CARD8: variants seen among roughly 807,000 people sequenced by gnomAD.
CARD8 encodes caspase recruitment domain family member 8.
Under a neutral mutation model 53.2 loss-of-function variants are expected in CARD8, and 38 were observed. The ratio of observed to expected loss-of-function variants is 0.71; its 90% CI spans 0.55 to 0.94. CARD8 has a LOEUF of 0.94. CARD8 is among the 40% of genes least tolerant of loss of function. CARD8 has a pLI of 0.00. For synonymous variants in CARD8, 245 were observed against 244.9 expected, an observed-to-expected ratio of 1.00 and a Z score of 0.00; for missense variants, 561 against 655.5, an observed-to-expected ratio of 0.86 and a Z score of 1.57.
chr19:48,230,564 C>T lies in CARD8; in HGVS notation c.909G>A (p.Leu303=), dbSNP rs770067088. 2.0e-5 allele frequency: 32 copies of T among 1,614,010 alleles called. 1 individual carries two copies. The South Asian group carries it at 3.4e-4, about 17-fold the overall frequency. ...AGAGGCGAGTCCCACTGGCGATCCGCAGCAGGATGCCCATCAGAGAGAAGC... is the reference window on the plus strand; with the variant it reads ...AGAGGCGAGTCCCACTGGCGATCCGTAGCAGGATGCCCATCAGAGAGAAGC... ...SPSFSLMGIL[L]RIASGTRLSI... is the part of the protein sequence containing the mutation. The change falls in exon 10 of 14, where the codon CTG becomes CTA. Residue 303 remains leucine (L), a synonymous_variant. Transcript: ENST00000651546.
At chr19:48,245,416 T>C (rs1351526424) in intron 3 of CARD8, among the ~76,000 whole-genome samples, 1 of 152,264 alleles carries the variant, frequency 6.6e-6, no homozygotes, top group South Asian at 2.1e-4. Context: ...TTTCACCATG[T>C]TGGATAGGCT....
chr19:48,217,388 A>T (rs1301705702), intron 12 of CARD8, among the ~76,000 whole-genome samples: 2 of 152,200 alleles, frequency 1.3e-5, no homozygotes, highest in African/African-American at 2.4e-5. Flanking sequence ...GTACTCACAC[A>T]TTTGTTCAAC....
intron 3 of CARD8, among the ~76,000 whole-genome samples, chr19:48,247,431 G>A (rs917352860): frequency 6.6e-6 from 1 of 152,122 alleles, no homozygotes; most frequent in African/African-American, 2.4e-5. Flanking sequence ...GAAATAATAT[G>A]CAATTTTAAA....
intron 13 of CARD8, among the ~76,000 whole-genome samples, chr19:48,214,572 AG>A (rs1451037825): frequency 6.6e-6 from 1 of 152,068 alleles, no homozygotes; most frequent in African/African-American, 2.4e-5. Context: ...TCCCCTTCCA[AG>A]CCCCTGCGGG....
downstream of CARD8, chr19:48,206,469 G>A (rs759882652): frequency 3.3e-5 from 15 of 460,892 alleles, no homozygotes; most frequent in African/African-American, 2.8e-4. Context: ...GCACAAGCAG[G>A]TGCAGCCAGT....
At chr19:48,228,774 C>T (rs1051052627) in intron 10 of CARD8, among the ~76,000 whole-genome samples, 21 of 151,982 alleles carry the variant, frequency 1.4e-4, no homozygotes, top group Non-Finnish European at 2.2e-4. Flanking sequence ...GAGGATGCCT[C>T]GGGTGTGGCT....
intron 10 of CARD8, among the ~76,000 whole-genome samples, chr19:48,226,556 G>T (rs1369270555): frequency 6.6e-6 from 1 of 152,132 alleles, no homozygotes; most frequent in Non-Finnish European, 1.5e-5. Flanking sequence ...AGAAGTACAT[G>T]TGCAGATTTG....
chr19:48,221,286 T>G (rs904760223), intron 11 of CARD8, among the ~76,000 whole-genome samples: 1 of 152,212 alleles, frequency 6.6e-6, no homozygotes, highest in Admixed American at 6.5e-5. Context: ...GCATATCATG[T>G]CCCAGTAAAT....
chr19:48,250,693 A>G (rs188147272), intron 1 of CARD8, among the ~76,000 whole-genome samples: 3 of 152,338 alleles, frequency 2.0e-5, no homozygotes, highest in African/African-American at 7.2e-5. Flanking sequence ...AATCGATGTC[A>G]AAAGCACATT....
At chr19:48,235,939 G>A (rs773210569) in intron 5 of CARD8, among the ~76,000 whole-genome samples, 3 of 152,024 alleles carry the variant, frequency 2.0e-5, no homozygotes, top group Non-Finnish European at 4.4e-5. Context: ...GTAAAATCGG[G>A]TTTCAGCTGG....
intron 12 of CARD8, among the ~76,000 whole-genome samples, chr19:48,218,615 A>G (rs771998236): frequency 1.3e-5 from 2 of 151,848 alleles, no homozygotes; most frequent in African/African-American, 2.4e-5. Context: ...CGGCCTCCCA[A>G]AGTTCTGGGT....
chr19:48,231,031 T>C (rs2042777125), intron 8 of CARD8, 25 bp from the exon 9 acceptor site: 2 of 1,579,374 alleles, frequency 1.3e-6, no homozygotes, highest in Non-Finnish European at 1.7e-6. Flanking sequence ...AGTGATGTCA[T>C]GACGGGAGAA....
chr19:48,215,500 G>T, intron 12 of CARD8, 116 bp from the exon 13 acceptor site: 1 of 723,454 alleles, frequency 1.4e-6, no homozygotes. Flanking sequence ...ATGTCATAAG[G>T]CTCTTGTTTT....
rs1333922341 is a variant in CARD8 at position 48,210,395 on chromosome 19, TGAAG to T, written c.*1311_*1314del. 1 of 152,058 alleles carries T rather than the reference TGAAG, an allele frequency of 6.6e-6. No homozygotes were observed. Among genetic ancestry groups the T allele is most frequent in the Non-Finnish European group, 1.5e-5 (1 of 67,970 alleles). The allele number at this position is 152,058 out of a possible 1,614,324, so 9.4% of individuals were successfully genotyped here. A position where few individuals can be genotyped will look rare whatever the true frequency, so the allele number is the denominator to read the frequency against. On this transcript the variant is annotated 3_prime_UTR_variant, in exon 14 of 14. Transcript: ENST00000651546. The stretch of plus-strand genomic sequence containing the variant: ...TTGCAGAACGAAATTTGGAAAATAA[TGAAG>T]GAAGAGCAACAGAAATGGTAAATAT...
chr19:48,244,456 A>G (rs2045767397), intron 3 of CARD8, among the ~76,000 whole-genome samples: 1 of 152,230 alleles, frequency 6.6e-6, no homozygotes, highest in Non-Finnish European at 1.5e-5. Flanking sequence ...GAGAAAACAT[A>G]AAGAAGTCAG....
chr19:48,231,581 G>C (rs529684659), intron 8 of CARD8, 79 bp downstream of exon 8: 266 of 1,419,642 alleles, frequency 1.9e-4, no homozygotes, highest in Non-Finnish European at 2.4e-4. Context: ...GAGATTACAG[G>C]CCTGAGCCAC....
At chr19:48,235,814 G>T (rs910108014) in intron 5 of CARD8, among the ~76,000 whole-genome samples, 1 of 150,618 alleles carries the variant, frequency 6.6e-6, no homozygotes, top group African/African-American at 2.4e-5. Flanking sequence ...AAACCAAACT[G>T]TAGAAAAAAA....
rs1325462596 is a variant in CARD8, at chr19:48,232,481, C to G, written c.363G>C (p.Glu121Asp). 6.5e-7 allele frequency: 1 copy of G among 1,535,836 alleles called. No individual in the cohort carries two copies. Among genetic ancestry groups the G allele is most frequent in the Non-Finnish European group, 8.7e-7 (1 of 1,146,716 alleles). ...SGGDIPSVSE[E>D]QESSEGQDSG... is the part of the protein sequence containing the mutation. ...AATCTTGTCCCTCTGAAGATTCCTGCTCTTCTGATACACTGGAGGTTGGGA... is the reference window on the plus strand; with the variant it reads ...AATCTTGTCCCTCTGAAGATTCCTGGTCTTCTGATACACTGGAGGTTGGGA... Residue 121 changes from glutamate to aspartate, a missense_variant, in exon 7 of 14, where the codon GAG (glutamate) becomes GAC (aspartate). Transcript: ENST00000651546.
In CARD8 at chr19:48,240,898, G is replaced by A. The variant is rs751478772; in HGVS notation, c.59+64C>T. 2.4e-6 allele frequency: 3 copies of A among 1,239,360 alleles called. 1 individual carries two copies. Among genetic ancestry groups the A allele is most frequent in the East Asian group, 5.0e-5 (2 of 39,752 alleles). The allele number at this position is 1,239,360 out of a possible 1,614,324, so 76.8% of individuals were successfully genotyped here. ...ACATCCATGGTCCTCTGTATCTCATGAACTATAACGAAACACAGAAGAATC... is the reference window on the plus strand; with the variant it reads ...ACATCCATGGTCCTCTGTATCTCATAAACTATAACGAAACACAGAAGAATC... On this transcript the variant is annotated intron_variant, in intron 4 of 13. Transcript: ENST00000651546.
Sources: gnomAD v4.1 joint callset for allele counts (sites outside exome capture counted in the v4.1 genomes callset) on GRCh38, gnomAD v4.1.1 for gene constraint, MANE v1.5 for transcripts, NCBI Gene and HGNC (gene_info 2026-07-23, HGNC 2026-07-21) for gene names.